Variants in PDXK observed in about 807,000 individuals in gnomAD.
The protein encoded by PDXK is epididymis secretory sperm binding protein Li 1a.
PDXK carries 15 observed loss-of-function variants against 43.2 expected under a neutral mutation model. The ratio of observed to expected loss-of-function variants is 0.35; its 90% confidence interval spans 0.23 to 0.53. The LOEUF (loss-of-function observed/expected upper bound fraction) is 0.53, where lower values mean the gene tolerates loss of function less well. PDXK is among the 20% of genes least tolerant of loss of function. The probability of loss-of-function intolerance (pLI) is 0.92; values close to 1 mark genes in which losing one functional copy is unlikely to be tolerated. For missense variants in PDXK, 343 were observed against 417.0 expected (o/e 0.82, Z 1.54); for synonymous variants, 172 against 165.4 (o/e 1.04, Z -0.31).
intron 1 of PDXK, among the ~76,000 whole-genome samples, chr21:43,725,508 G>A (rs1475347384): frequency 2.6e-5 from 4 of 151,772 alleles, no homozygotes; most frequent in African/African-American, 9.7e-5. Flanking sequence ...TTTGCAAACA[G>A]TACAAAAAAG....
rs1036014778 is a variant in PDXK, at chr21:43,756,432, C to G, written c.*369C>G. ...CTGGCTGCCACTACCGTACAGAGGC[C>G]GTGTCGCGCTGGGCTGGGCCTGGGT... On this transcript the variant is annotated 3_prime_UTR_variant, in exon 11 of 11. Coordinates refer to ENST00000291565, the MANE Select transcript of PDXK (RefSeq NM_003681.5). 6 of 200,344 alleles carry G rather than the reference C, an allele frequency of 3.0e-5. No homozygotes were observed. The highest frequency in any genetic ancestry group is 5.2e-5 in the Non-Finnish European group (5 of 96,542). The allele number at this position is 200,344 out of a possible 1,614,324, so 12.4% of individuals were successfully genotyped here.
intron 5 of PDXK, 116 bp from the exon 6 acceptor site, chr21:43,748,879 G>C (rs1335102337): frequency 1.5e-6 from 1 of 680,402 alleles, no homozygotes; most frequent in African/African-American, 1.8e-5. Flanking sequence ...TGGCCCCTGA[G>C]CCTGGACTTC....
rs2083433042 is a variant in PDXK at position 43,737,980 on chromosome 21, G to A, written c.143-3687G>A. 3.0e-6 allele frequency: 3 copies of A among 985,364 alleles called. No homozygotes were observed. The highest frequency in any genetic ancestry group is 4.7e-5 in the South Asian group (1 of 21,282). 61.0% of individuals were successfully genotyped at this position (985,364 alleles called of 1,614,324 possible). A position where few individuals can be genotyped will look rare whatever the true frequency, so the allele number is the denominator to read the frequency against. On this transcript the variant is annotated intron_variant, in intron 2 of 10. Transcript: ENST00000291565. The surrounding 1 kb of genome is among the most constrained non-coding windows in gnomAD (Gnocchi z 4.8). Reference sequence around the variant, plus strand: ...GGTGCAAGACCATGCCCTCTGTTTCGATAGGAAGCTGGGCCTCAGAGGGGC... The same window carrying A: ...GGTGCAAGACCATGCCCTCTGTTTCAATAGGAAGCTGGGCCTCAGAGGGGC...
At chr21:43,741,017 G>A (rs1469173956) in intron 2 of PDXK, 1 of 149,312 alleles carries the variant, frequency 6.7e-6, no homozygotes, top group Non-Finnish European at 1.5e-5. Context: ...GACAGCAATG[G>A]GGGAGCAACG....
chr21:43,740,195 A>T (rs2083471151), intron 2 of PDXK, among the ~76,000 whole-genome samples: 1 of 152,046 alleles, frequency 6.6e-6, no homozygotes, highest in South Asian at 2.1e-4. Context: ...CCTTTGCGCC[A>T]CACGTCCTCC....
chr21:43,750,312 A>T (rs915650547), intron 6 of PDXK, among the ~76,000 whole-genome samples, 188 bp from the exon 7 acceptor site: 8 of 152,256 alleles, frequency 5.3e-5, no homozygotes, highest in Admixed American at 5.2e-4. Flanking sequence ...CTGTAATGTG[A>T]GGGTCCCCTT....
chr21:43,741,847 C>G, intron 3 of PDXK, 76 bp downstream of exon 3: 1 of 946,044 alleles, frequency 1.1e-6, no homozygotes, highest in Non-Finnish European at 1.7e-6. Context: ...AGGTCCAGAG[C>G]ACCCCCGCCC....
intron 1 of PDXK, among the ~76,000 whole-genome samples, chr21:43,730,445 A>G: frequency 6.6e-6 from 1 of 152,098 alleles, no homozygotes; most frequent in East Asian, 1.9e-4. Flanking sequence ...GATTTAGAGT[A>G]TGTACTGCCA....
chr21:43,758,699 A>G lies in PDXK; in HGVS notation c.*2636A>G, dbSNP rs994048409. 2 of 153,108 alleles carry G rather than the reference A, an allele frequency of 1.3e-5. No homozygotes were observed. The highest frequency in any genetic ancestry group is 2.9e-5 in the Non-Finnish European group (2 of 68,054). 9.5% of individuals were successfully genotyped at this position (153,108 alleles called of 1,614,324 possible). A position where few individuals can be genotyped will look rare whatever the true frequency, so the allele number is the denominator to read the frequency against. On this transcript the variant is annotated 3_prime_UTR_variant, in exon 11 of 11. Coordinates refer to ENST00000291565, the MANE Select transcript of PDXK (RefSeq NM_003681.5). ...GTTTTCACTTTCCATAGTTAATAAC[A>G]TGCAAAATAATGAGAAGAATTTATT... is the stretch of plus-strand genomic sequence containing the variant.
intron 3 of PDXK, among the ~76,000 whole-genome samples, chr21:43,743,221 C>CTG (rs1263852228): frequency 1.6e-5 from 1 of 63,944 alleles, no homozygotes; most frequent in Non-Finnish European, 3.1e-5. Context: ...CCCCCGCCCC[C>CTG]AGCACTGTGG....
At position 43,719,582 on chromosome 21, in the gene PDXK, C is replaced by G. The variant is rs541263457; in HGVS notation, c.87+201C>G. On this transcript the variant is annotated intron_variant, in intron 1 of 10. Coordinates refer to ENST00000291565, the MANE Select transcript of PDXK (RefSeq NM_003681.5). ...CGGAAGCGGAGGGCTGAGCGCTCTGCGGGCCCCTGCGGGTGGGACGGGTCC... is the reference window on the plus strand; with the variant it reads ...CGGAAGCGGAGGGCTGAGCGCTCTGGGGGCCCCTGCGGGTGGGACGGGTCC... 5.8e-4 allele frequency: 565 copies of G among 981,824 alleles called. 6 individuals are homozygous for G. The African/African-American group carries it at 9.5e-3, about 17-fold the overall frequency. The allele number at this position is 981,824 out of a possible 1,614,324, so 60.8% of individuals were successfully genotyped here.
intron 1 of PDXK, among the ~76,000 whole-genome samples, chr21:43,728,564 T>G (rs1203530477): frequency 6.6e-6 from 1 of 152,084 alleles, no homozygotes; most frequent in Non-Finnish European, 1.5e-5. Context: ...AGGAGGAGGA[T>G]CAGCTGAGCC....
At chr21:43,722,715 C>T (rs2083216826) in intron 1 of PDXK, among the ~76,000 whole-genome samples, 1 of 152,242 alleles carries the variant, frequency 6.6e-6, no homozygotes, top group South Asian at 2.1e-4. Context: ...GTCTCTGTCT[C>T]TGTCCTCACG....
At chr21:43,738,591 G>A (rs374564336) in intron 2 of PDXK, 1 of 152,344 alleles carries the variant, frequency 6.6e-6, no homozygotes, top group Non-Finnish European at 1.5e-5. Flanking sequence ...GAGACCTGCT[G>A]TCTTATCTGT....
At chr21:43,745,582 C>G (rs946390118) in intron 4 of PDXK, 1 of 163,460 alleles carries the variant, frequency 6.1e-6, no homozygotes, top group Non-Finnish European at 1.4e-5. Flanking sequence ...GTCCTGAATG[C>G]TCCTGAATTG....
At position 43,723,140 on chromosome 21, in the gene PDXK, TC is replaced by T. The variant is rs1467077086; in HGVS notation, c.87+3760del. Among the ~76,000 whole-genome samples, 1 of 149,032 alleles carries T rather than the reference TC, an allele frequency of 6.7e-6. No homozygotes were observed. Among genetic ancestry groups the T allele is most frequent in the Non-Finnish European group, 1.5e-5 (1 of 67,506 alleles). On this transcript the variant is annotated intron_variant, in intron 1 of 10. Coordinates refer to ENST00000291565, the MANE Select transcript of PDXK (RefSeq NM_003681.5). This position sits in a 1 kb window ranked among gnomAD's most constrained non-coding sequence, Gnocchi z 4.1. ...GGCATGGGGCCACCACGCCTGGCCT[TC>T]TTTTTCTTTTTCTTTCTTTTTTTTT...
At chr21:43,741,871 G>T in intron 3 of PDXK, 100 bp downstream of exon 3, 1 of 766,476 alleles carries the variant, frequency 1.3e-6, no homozygotes, top group Admixed American at 2.1e-5. Context: ...GCCTGTCTCG[G>T]GTCCCTGCCC....
chr21:43,736,443 C>T (rs928815619), intron 2 of PDXK, among the ~76,000 whole-genome samples: 4 of 152,236 alleles, frequency 2.6e-5, no homozygotes, highest in South Asian at 2.1e-4. Context: ...TGCGGACACT[C>T]GGGCCGTTTC....
intron 6 of PDXK, among the ~76,000 whole-genome samples, 193 bp downstream of exon 6, chr21:43,749,273 T>G (rs1481484738): frequency 1.3e-5 from 2 of 151,980 alleles, no homozygotes; most frequent in Admixed American, 1.3e-4. Flanking sequence ...CCCGGCTAAT[T>G]TTTGTATTTT....
Sources: gnomAD v4.1 joint callset for allele counts (sites outside exome capture counted in the v4.1 genomes callset) on GRCh38, gnomAD v4.1.1 for gene constraint, Gnocchi (gnomAD v3.1) non-coding constraint, MANE v1.5 for transcripts, NCBI Gene and HGNC (gene_info 2026-07-23, HGNC 2026-07-21) for gene names.